UBR4: variants seen among roughly 807,000 people sequenced by gnomAD.
UBR4 encodes E3 ubiquitin-protein ligase UBR4.
UBR4 carries 124 observed loss-of-function variants against 575.6 expected under a neutral mutation model. The observed-to-expected ratio is 0.22, with a 90% CI of 0.19 to 0.25. UBR4 has a LOEUF of 0.25. Among genes scored for constraint, UBR4 ranks in the 10% least tolerant of loss-of-function variants. The pLI is 1.00. For synonymous variants in UBR4, 2,455 were observed against 2,473.7 expected (o/e 0.99, Z 0.22); for missense variants, 4,818 against 6,478.8 (o/e 0.74, Z 8.80).
At chr1:19,178,998 A>T in intron 18 of UBR4, 53 bp downstream of exon 18, 1 of 1,587,472 alleles carries the variant, frequency 6.3e-7, no homozygotes, top group South Asian at 1.2e-5. Context: ...GAAGTCAAAC[A>T]AATAAAAAAG....
chr1:19,138,987 T>G, intron 59 of UBR4, 96 bp downstream of exon 59: 3 of 1,437,806 alleles, frequency 2.1e-6, no homozygotes, highest in Non-Finnish European at 2.8e-6. Context: ...TCTATACCTT[T>G]TCTTTGCAAA....
At chr1:19,170,180 C>G (rs1347535217) in intron 26 of UBR4, among the ~76,000 whole-genome samples, 4 of 152,124 alleles carry the variant, frequency 2.6e-5, no homozygotes, top group Admixed American at 6.5e-5. Context: ...TCTTCCTGTC[C>G]CCTATAAATG....
At position 19,117,689 on chromosome 1, in the gene UBR4, G is replaced by A. The variant is rs867377253; in HGVS notation, c.10629+134C>T. The A allele has an allele frequency of 5.3e-6, 5 of 937,014 alleles. No individual in the cohort carries two copies. The Middle Eastern group carries it at 9.0e-4, about 168-fold the overall frequency. 58.0% of individuals were successfully genotyped at this position (937,014 alleles called of 1,614,324 possible). A position where few individuals can be genotyped will look rare whatever the true frequency, so the allele number is the denominator to read the frequency against. On this transcript the variant is annotated intron_variant, in intron 72 of 105. Coordinates refer to ENST00000375254, the MANE Select transcript of UBR4 (RefSeq NM_020765.3). The surrounding 1 kb of genome is among the most constrained non-coding windows in gnomAD (Gnocchi z 4.0). ...GTTTCTATTTAAGGTAATAAATGTGGCAGATAAAAATTCCTACTATCGGTG... is the reference window on the plus strand; with the variant it reads ...GTTTCTATTTAAGGTAATAAATGTGACAGATAAAAATTCCTACTATCGGTG...
intron 50 of UBR4, 113 bp from the exon 51 acceptor site, chr1:19,148,240 T>C: frequency 7.5e-7 from 1 of 1,339,924 alleles, no homozygotes; most frequent in Non-Finnish European, 9.9e-7. Flanking sequence ...TAGGTTATGC[T>C]CCATGGACTG....
chr1:19,077,880 G>A (rs576507698), intron 104 of UBR4, 96 bp downstream of exon 104: 28 of 1,603,668 alleles, frequency 1.7e-5, no homozygotes, highest in Non-Finnish European at 2.2e-5. Flanking sequence ...CCCAGCGGAG[G>A]AGCAGCCATG....
chr1:19,075,313 G>C lies in UBR4; in HGVS notation c.15488-417C>G, dbSNP rs76570760. 4.8e-3 allele frequency: 1,091 copies of C among 225,296 alleles called. 11 individuals are homozygous for C. Among genetic ancestry groups the C allele is most frequent in the African/African-American group, 0.024 (1,032 of 43,504 alleles). 14.0% of individuals were successfully genotyped at this position (225,296 alleles called of 1,614,324 possible). A position where few individuals can be genotyped will look rare whatever the true frequency, so the allele number is the denominator to read the frequency against. Reference sequence around the variant, plus strand: ...GCAGCTCAGGGCTGATGTGGAGCTCGAGCCCAAGGGACCCTCCTTCCTCTG... The same window carrying C: ...GCAGCTCAGGGCTGATGTGGAGCTCCAGCCCAAGGGACCCTCCTTCCTCTG... On this transcript the variant is annotated intron_variant, in intron 105 of 105. Transcript: ENST00000375254.
At position 19,201,825 on chromosome 1, in the gene UBR4, T is replaced by C. The variant is rs746913840; in HGVS notation, c.177-10A>G. ...CAGGATTTCTGATTCACTGTAAAAATAATAATAATTCAGCCAGCATCTGCT... is the reference window on the plus strand; with the variant it reads ...CAGGATTTCTGATTCACTGTAAAAACAATAATAATTCAGCCAGCATCTGCT... On this transcript the variant is annotated splice_polypyrimidine_tract_variant and intron_variant, in intron 1 of 105. Coordinates refer to ENST00000375254, the MANE Select transcript of UBR4 (RefSeq NM_020765.3). 1 of 1,612,288 alleles carries C rather than the reference T, an allele frequency of 6.2e-7. No individual in the cohort carries two copies. The highest frequency in any genetic ancestry group is 2.2e-5 in the East Asian group (1 of 44,830).
chr1:19,104,908 G>A (rs2079024631), intron 85 of UBR4, 140 bp downstream of exon 85: 2 of 1,355,468 alleles, frequency 1.5e-6, no homozygotes, highest in South Asian at 1.4e-5. Context: ...ATACAATGAA[G>A]TCATAAAAAT....
At chr1:19,185,911 T>C (rs143880269) in intron 14 of UBR4, among the ~76,000 whole-genome samples, 7 of 152,210 alleles carry the variant, frequency 4.6e-5, no homozygotes, top group African/African-American at 1.7e-4. Flanking sequence ...AAAAACAACT[T>C]CACATTATTT....
intron 18 of UBR4, among the ~76,000 whole-genome samples, chr1:19,178,820 G>C (rs12041047): frequency 6.6e-6 from 1 of 152,118 alleles, no homozygotes; most frequent in East Asian, 1.9e-4. Flanking sequence ...TGGTTCCATC[G>C]CATAATTATA....
At chr1:19,148,437 T>G (rs952088034) in intron 50 of UBR4, 126 bp downstream of exon 50, 15 of 1,269,710 alleles carry the variant, frequency 1.2e-5, no homozygotes, top group Admixed American at 2.0e-5. Context: ...TCTCTGGAGC[T>G]TCTTAGCAAA....
At chr1:19,126,362 C>G (rs2081792007) in intron 64 of UBR4, 84 bp downstream of exon 64, 1 of 1,533,540 alleles carries the variant, frequency 6.5e-7, no homozygotes, top group South Asian at 1.2e-5. Flanking sequence ...CACCCTCAGC[C>G]CCTTGAGCTC....
At chr1:19,081,259 C>G (rs893166190) in intron 103 of UBR4, 90 bp downstream of exon 103, 1 of 1,157,904 alleles carries the variant, frequency 8.6e-7, no homozygotes, top group Non-Finnish European at 1.2e-6. Flanking sequence ...ACAAAGCATG[C>G]CTTCACCTAG....
chr1:19,148,469 T>C, intron 50 of UBR4, 94 bp downstream of exon 50: 2 of 1,448,240 alleles, frequency 1.4e-6, no homozygotes, highest in East Asian at 2.3e-5. Context: ...CTACTATAAA[T>C]GTTCTTTAGC....
At chr1:19,096,704 A>G (rs1392169212) in intron 91 of UBR4, 54 bp from the exon 92 acceptor site, 1 of 1,604,128 alleles carries the variant, frequency 6.2e-7, no homozygotes, top group Non-Finnish European at 8.5e-7. Context: ...AGATGGGAAT[A>G]AAATAGGCCA....
At position 19,120,343 on chromosome 1, in the gene UBR4, T is replaced by C; in HGVS notation, c.10147A>G (p.Thr3383Ala). The stretch of plus-strand genomic sequence containing the variant: ...AGCTGGTCCTCCTGGCTGCCAGAGG[T>C]CTCACCTGCAAGATTAGGACAGGAC... ...EEKEKEKDGE[T>A]SGSQEDQLCT... Residue 3383 changes from threonine (T) to alanine (A), a missense_variant, in exon 69 of 106, where the codon ACC becomes GCC. Thr to Ala is a moderately conservative substitution (Grantham distance 58). Around this residue, in one of 29 missense-constraint regions of UBR4, gnomAD observed 550 missense variants for 791.5 expected, o/e 0.69. Coordinates refer to ENST00000375254, the MANE Select transcript of UBR4 (RefSeq NM_020765.3). 1.9e-6 allele frequency: 3 copies of C among 1,613,970 alleles called. No individual in the cohort carries two copies. The highest frequency in any genetic ancestry group is 2.5e-6 in the Non-Finnish European group (3 of 1,179,936).
chr1:19,194,126 A>G (rs1334753423), intron 8 of UBR4, among the ~76,000 whole-genome samples: 1 of 152,238 alleles, frequency 6.6e-6, no homozygotes, highest in African/African-American at 2.4e-5. Context: ...ACATGACACT[A>G]TACATTTGTC....
chr1:19,170,363 T>G lies in UBR4; in HGVS notation c.3643+399A>C, dbSNP rs531219726. The stretch of plus-strand genomic sequence containing the variant: ...GCAGTGAGCTGCGATAGCGCCACTG[T>G]ACTCCAGCCTGGGTGACAGGGCAAG... On this transcript the variant is annotated intron_variant, in intron 26 of 105. Transcript: ENST00000375254. Among the ~76,000 whole-genome samples, 122 of 152,222 alleles carry G rather than the reference T, an allele frequency of 8.0e-4. 1 individual carries two copies. The highest frequency in any genetic ancestry group is 2.6e-3 in the African/African-American group (109 of 41,556).
chr1:19,115,754 T>C, intron 73 of UBR4, 117 bp from the exon 74 acceptor site: 1 of 1,460,796 alleles, frequency 6.8e-7, no homozygotes, highest in East Asian at 2.3e-5. Flanking sequence ...GTGGTTACTC[T>C]AAGGAAAAGA....
Sources: gnomAD v4.1 joint callset for allele counts (sites outside exome capture counted in the v4.1 genomes callset) on GRCh38, gnomAD v4.1.1 for gene constraint, gnomAD v4.1.1 regional missense constraint, Gnocchi (gnomAD v3.1) non-coding constraint, MANE v1.5 for transcripts, NCBI Gene and HGNC (gene_info 2026-07-23, HGNC 2026-07-21) for gene names.